COL5A2: variants seen among roughly 807,000 people sequenced by gnomAD.
COL5A2 encodes collagen alpha-2(V) chain.
A neutral mutation model predicts 208.2 loss-of-function variants in COL5A2; 23 were observed. That is an observed-to-expected ratio of 0.11 (90% confidence interval 0.08 to 0.16). The LOEUF (loss-of-function observed/expected upper bound fraction) is 0.16, where lower values mean the gene tolerates loss of function less well. COL5A2 is among the 10% of genes least tolerant of loss of function. The pLI, the probability that COL5A2 is intolerant of heterozygous loss-of-function variation, is 1.00. For synonymous variants in COL5A2, 625 were observed against 628.5 expected (o/e 0.99, Z 0.08); for missense variants, 1,590 against 1,956.4 (o/e 0.81, Z 3.53).
intron 18 of COL5A2, 85 bp from the exon 19 acceptor site, chr2:189,068,969 C>A: frequency 1.1e-6 from 1 of 943,556 alleles, no homozygotes; most frequent in Admixed American, 1.9e-5. Flanking sequence ...TGGAATTTTA[C>A]ATTTGAAACC....
the COL5A2 span, among the ~76,000 whole-genome samples, chr2:189,340,141 G>A: frequency 1.3e-5 from 2 of 152,130 alleles, no homozygotes; most frequent in Non-Finnish European, 2.9e-5. Flanking sequence ...CCTTTTCCCA[G>A]GTAAGACTGG....
At chr2:189,353,670 A>C in the COL5A2 span, among the ~76,000 whole-genome samples, 1 of 152,230 alleles carries the variant, frequency 6.6e-6, no homozygotes, top group African/African-American at 2.4e-5. Context: ...GGTGCTTATC[A>C]GCTTAAGGAG....
chr2:189,175,268 T>C (rs1236384300), intron 1 of COL5A2, among the ~76,000 whole-genome samples: 1 of 152,190 alleles, frequency 6.6e-6, no homozygotes, highest in Non-Finnish European at 1.5e-5. Context: ...GTTTAAATGT[T>C]ATGAAGACTT....
intron 1 of COL5A2, among the ~76,000 whole-genome samples, chr2:189,191,140 TA>T (rs61294032): frequency 2.5e-5 from 3 of 118,886 alleles, no homozygotes; most frequent in Non-Finnish European, 3.4e-5. Context: ...AGGGAAACCA[TA>T]AAAAAAAAAA....
At chr2:189,192,149 T>A (rs1025099291) in intron 1 of COL5A2, among the ~76,000 whole-genome samples, 1 of 152,210 alleles carries the variant, frequency 6.6e-6, no homozygotes, top group South Asian at 2.1e-4. Context: ...TCCTCATTTA[T>A]GTAAATCTGT....
chr2:189,204,560 G>A (rs962715048), intron 1 of COL5A2, among the ~76,000 whole-genome samples: 14 of 152,018 alleles, frequency 9.2e-5, no homozygotes, highest in Admixed American at 9.2e-4. Context: ...ATACACTTTC[G>A]AACTAATGAA....
the COL5A2 span, among the ~76,000 whole-genome samples, chr2:189,360,933 T>G: frequency 1.3e-5 from 2 of 152,062 alleles, no homozygotes; most frequent in Admixed American, 6.6e-5. Flanking sequence ...TCCAAGTCCC[T>G]GCAAAGGACA....
chr2:189,403,682 C>A, the COL5A2 span, among the ~76,000 whole-genome samples: 1 of 152,086 alleles, frequency 6.6e-6, no homozygotes, highest in Admixed American at 6.6e-5. Context: ...AATCATGTAG[C>A]TTTTGCCTTT....
chr2:189,134,028 G>GA lies in COL5A2; in HGVS notation c.98-23580dup, dbSNP rs559110119. ...AAGCTCTTCTTTCACCAACAAAAAA[G>GA]AAAAAAATACTAAAAATGATATGCT... On this transcript the variant is annotated intron_variant, in intron 1 of 53. Coordinates refer to ENST00000374866, the MANE Select transcript of COL5A2 (RefSeq NM_000393.5). Among the ~76,000 whole-genome samples, 3 of 151,666 alleles carry GA rather than the reference G, an allele frequency of 2.0e-5. No homozygotes were observed. In the South Asian group the frequency reaches 6.2e-4, roughly 32 times the overall value.
At chr2:189,246,576 G>A in the COL5A2 span, among the ~76,000 whole-genome samples, 1 of 152,324 alleles carries the variant, frequency 6.6e-6, no homozygotes, top group South Asian at 2.1e-4. Flanking sequence ...GTAGCACTTA[G>A]CTACATACCT....
At chr2:189,266,251 C>G in the COL5A2 span, among the ~76,000 whole-genome samples, 1 of 151,934 alleles carries the variant, frequency 6.6e-6, no homozygotes, top group Non-Finnish European at 1.5e-5. Context: ...CATGGTGAAC[C>G]CCTGTCTCTA....
chr2:189,277,740 G>T, the COL5A2 span, among the ~76,000 whole-genome samples: 1 of 151,188 alleles, frequency 6.6e-6, no homozygotes, highest in Non-Finnish European at 1.5e-5. Context: ...CTTCATCACA[G>T]ACTCACTAAA....
At chr2:189,153,086 T>C (rs1293056427) in intron 1 of COL5A2, among the ~76,000 whole-genome samples, 1 of 152,208 alleles carries the variant, frequency 6.6e-6, no homozygotes. Flanking sequence ...ACACAGTATC[T>C]GGTTGCCTAT....
chr2:189,320,361 C>T, the COL5A2 span, among the ~76,000 whole-genome samples: 46 of 152,218 alleles, frequency 3.0e-4, no homozygotes, highest in East Asian at 7.2e-3. Context: ...GACGATCAAA[C>T]GTCTCCGAGC....
At chr2:189,325,438 T>A in the COL5A2 span, among the ~76,000 whole-genome samples, 10 of 151,868 alleles carry the variant, frequency 6.6e-5, no homozygotes, top group Non-Finnish European at 1.3e-4. Flanking sequence ...CACAAAAATG[T>A]TTGAAAAGCA....
chr2:189,070,596 G>A (rs1318076108), intron 18 of COL5A2, among the ~76,000 whole-genome samples: 2 of 152,198 alleles, frequency 1.3e-5, no homozygotes, highest in Non-Finnish European at 2.9e-5. Flanking sequence ...TAACCAGAGT[G>A]AATGGTTGTG....
rs1372167655 is a variant in COL5A2, at chr2:189,066,500, G to A, written c.1456-3C>T. The A allele has an allele frequency of 1.2e-6, 2 of 1,613,734 alleles. No individual in the cohort carries two copies. ...GGACCCTGAATACCATGTGGCCCCT[G>A]TTAAAAACAGAAGGACAGTTACCAG... On this transcript the variant is annotated splice_region_variant and splice_polypyrimidine_tract_variant and intron_variant, in intron 22 of 53. Transcript: ENST00000374866.
At chr2:189,084,580 TACC>T (rs1382350283) in intron 11 of COL5A2, among the ~76,000 whole-genome samples, 1 of 152,190 alleles carries the variant, frequency 6.6e-6, no homozygotes, top group Non-Finnish European at 1.5e-5. Flanking sequence ...ATTAATGGCC[TACC>T]CATAATTTGA....
At chr2:189,333,715 A>G in the COL5A2 span, among the ~76,000 whole-genome samples, 1 of 152,082 alleles carries the variant, frequency 6.6e-6, no homozygotes, top group Non-Finnish European at 1.5e-5. Flanking sequence ...ACACAGAGGG[A>G]ATACATGTAA....
Sources: gnomAD v4.1 joint callset for allele counts (sites outside exome capture counted in the v4.1 genomes callset) on GRCh38, gnomAD v4.1.1 for gene constraint, MANE v1.5 for transcripts, NCBI Gene and HGNC (gene_info 2026-07-23, HGNC 2026-07-21) for gene names.